Variants in KCNQ2 observed in about 807,000 individuals in gnomAD.
KCNQ2 encodes the protein potassium voltage-gated channel subfamily KQT member 2.
KCNQ2 carries 14 observed loss-of-function variants against 84.8 expected under a neutral mutation model. The ratio of observed to expected loss-of-function variants is 0.17; its 90% CI spans 0.11 to 0.26. The LOEUF is 0.26. Ranked by LOEUF, KCNQ2 falls within the 10% of genes least tolerant of loss-of-function variation. The probability of loss-of-function intolerance (pLI) is 1.00; values close to 1 mark genes in which losing one functional copy is unlikely to be tolerated. For missense variants in KCNQ2, 788 were observed against 1,254.0 expected, an observed-to-expected ratio of 0.63 and a Z score of 5.61; for synonymous variants, 599 against 554.1, an observed-to-expected ratio of 1.08 and a Z score of -1.14.
chr20:63,472,037 G>T lies in KCNQ2; in HGVS notation c.296+131C>A, dbSNP rs1054038975. ...CTCGGCCCAGCACTCCCGCCGGGGA[G>T]CGCCGGCCCCGGACCCAGACCCAGG... On this transcript the variant is annotated intron_variant, in intron 1 of 16. Coordinates refer to ENST00000359125, the MANE Select transcript of KCNQ2 (RefSeq NM_172107.4). 27 of 621,824 alleles carry T rather than the reference G, an allele frequency of 4.3e-5. No homozygotes were observed. In the African/African-American group the frequency reaches 4.3e-4, roughly 10 times the overall value. The allele number at this position is 621,824 out of a possible 1,614,324, so 38.5% of individuals were successfully genotyped here.
Position 63,406,992 on chromosome 20 carries a change from C to G in KCNQ2, c.2271G>C (p.Gly757=). 1 of 1,541,678 alleles carries G rather than the reference C, an allele frequency of 6.5e-7. No homozygotes were observed. The highest frequency in any genetic ancestry group is 8.7e-7 in the Non-Finnish European group (1 of 1,146,520). ...GGAACTCCATGCTGGCGCGGTTGCC[C>G]CCGCCGTAGGCGGACAGCGACCGCT... ...AHERSLSAYG[G]GNRASMEFLR... is the part of the protein sequence containing the mutation. The change falls in exon 17 of 17, where the codon GGG becomes GGC. Residue 757 remains glycine, a synonymous_variant. Transcript: ENST00000359125.
intron 10 of KCNQ2, chr20:63,424,416 C>T (rs1469714637): frequency 1.8e-5 from 11 of 604,128 alleles, no homozygotes; most frequent in Middle Eastern, 8.8e-4. Context: ...GAGGCAGCTC[C>T]GAGAGGGAAG....
chr20:63,458,227 CT>C (rs1286735665), intron 1 of KCNQ2, among the ~76,000 whole-genome samples: 1 of 152,178 alleles, frequency 6.6e-6, no homozygotes, highest in Non-Finnish European at 1.5e-5. Flanking sequence ...AGAAGCGCCC[CT>C]GTACCAGCCA....
chr20:63,460,597 G>A lies in KCNQ2; in HGVS notation c.296+11571C>T, dbSNP rs988161296. On this transcript the variant is annotated intron_variant, in intron 1 of 16. Coordinates refer to ENST00000359125, the MANE Select transcript of KCNQ2 (RefSeq NM_172107.4). The surrounding 1 kb of genome is among the most constrained non-coding windows in gnomAD (Gnocchi z 5.4). Reference sequence around the variant, plus strand: ...TCTCGGCCTCCACTTGCACACCTCCGGCGACGGAGGGCTCACCCCACAGAA... The same window carrying A: ...TCTCGGCCTCCACTTGCACACCTCCAGCGACGGAGGGCTCACCCCACAGAA... Among the ~76,000 whole-genome samples, 1 of 152,284 alleles carries A rather than the reference G, an allele frequency of 6.6e-6. No individual in the cohort carries two copies. Among genetic ancestry groups the A allele is most frequent in the African/African-American group, 2.4e-5 (1 of 41,554 alleles).
intron 7 of KCNQ2, among the ~76,000 whole-genome samples, chr20:63,436,453 C>T (rs2081009523): frequency 6.6e-6 from 1 of 151,940 alleles, no homozygotes. Context: ...ATGGCAGGAA[C>T]CAGGGAGGTG....
chr20:63,419,607 G>A lies in KCNQ2; in HGVS notation c.1301+12C>T, dbSNP rs761092617. ...CAGCAGCCGTCAGTCCGTGCGGCGTGTTCCGCGGTACCTAGAGCGTCCGGG... is the reference window on the plus strand; with the variant it reads ...CAGCAGCCGTCAGTCCGTGCGGCGTATTCCGCGGTACCTAGAGCGTCCGGG... On this transcript the variant is annotated intron_variant, in intron 12 of 16. Transcript: ENST00000359125. The A allele has an allele frequency of 1.2e-6, 2 of 1,607,538 alleles. No individual in the cohort carries two copies. The highest frequency in any genetic ancestry group is 1.3e-5 in the African/African-American group (1 of 75,042).
chr20:63,400,571 C>A lies in KCNQ2; in HGVS notation c.*6073G>T. 2.5e-6 allele frequency: 1 copy of A among 398,508 alleles called. No individual in the cohort carries two copies. Among genetic ancestry groups the A allele is most frequent in the South Asian group, 1.3e-4 (1 of 7,816 alleles). 24.7% of individuals were successfully genotyped at this position (398,508 alleles called of 1,614,324 possible). ...ATACAAAATGGTCAGAAGTGTACGT[C>A]GGTACTGAAGGCATTATGAAATGTT... On this transcript the variant is annotated 3_prime_UTR_variant, in exon 17 of 17. Coordinates refer to ENST00000359125, the MANE Select transcript of KCNQ2 (RefSeq NM_172107.4). The surrounding 1 kb of genome is among the most constrained non-coding windows in gnomAD (Gnocchi z 8.7).
In KCNQ2 at chr20:63,435,897, G is replaced by GAC. The variant is rs67927002; in HGVS notation, c.1024-1995_1024-1994insGT. ...CTCGCCACACTGGCTCATCTCTCGA[G>GAC]AGTCCCCCACCCTCTGGCCACAGTG... On this transcript the variant is annotated intron_variant, in intron 7 of 16. Transcript: ENST00000359125. Among the ~76,000 whole-genome samples, 498 of 122,890 alleles carry GAC rather than the reference G, an allele frequency of 4.1e-3. 1 individual carries two copies. Among genetic ancestry groups the GAC allele is most frequent in the Non-Finnish European group, 6.0e-3 (345 of 57,342 alleles). 80.6% of individuals were successfully genotyped at this position (122,890 alleles called of 152,430 possible). A position where few individuals can be genotyped will look rare whatever the true frequency, so the allele number is the denominator to read the frequency against.
chr20:63,406,346 A>C lies in KCNQ2; in HGVS notation c.*298T>G. Reference sequence around the variant, plus strand: ...CGTCATCACTCCCGCCCCTCCTCACACCGGGCTGATGTCGGCCGCGGCCCT... The same window carrying C: ...CGTCATCACTCCCGCCCCTCCTCACCCCGGGCTGATGTCGGCCGCGGCCCT... On this transcript the variant is annotated 3_prime_UTR_variant, in exon 17 of 17. Transcript: ENST00000359125. 1 of 392,222 alleles carries C rather than the reference A, an allele frequency of 2.5e-6. No individual in the cohort carries two copies. The allele number at this position is 392,222 out of a possible 1,614,324, so 24.3% of individuals were successfully genotyped here.
Position 63,446,247 on chromosome 20 carries a change from G to A in KCNQ2, c.387+500C>T. ...CAGAGGAGCAGGGCGGGCAGTAGAG[G>A]GAGGTGCATTTGGATGGGGACCAGT... On this transcript the variant is annotated intron_variant, in intron 2 of 16. Transcript: ENST00000359125. The surrounding 1 kb of genome is among the most constrained non-coding windows in gnomAD (Gnocchi z 5.5). The A allele has an allele frequency of 3.9e-6, 1 of 255,618 alleles. No individual in the cohort carries two copies. Among genetic ancestry groups the A allele is most frequent in the South Asian group, 4.4e-5 (1 of 22,604 alleles). The allele number at this position is 255,618 out of a possible 1,614,324, so 15.8% of individuals were successfully genotyped here. A position where few individuals can be genotyped will look rare whatever the true frequency, so the allele number is the denominator to read the frequency against.
chr20:63,408,587 C>A lies in KCNQ2; in HGVS notation c.1764-51G>T. 2 of 1,598,536 alleles carry A rather than the reference C, an allele frequency of 1.3e-6. No homozygotes were observed. The highest frequency in any genetic ancestry group is 1.1e-5 in the South Asian group (1 of 88,866). ...ATGAGTTCGGGTGGGTGCAGCAGGGCCCCTGCCCTCTCCTCCTGGACCAGG... is the reference window on the plus strand; with the variant it reads ...ATGAGTTCGGGTGGGTGCAGCAGGGACCCTGCCCTCTCCTCCTGGACCAGG... On this transcript the variant is annotated intron_variant, in intron 15 of 16. Coordinates refer to ENST00000359125, the MANE Select transcript of KCNQ2 (RefSeq NM_172107.4). This position sits in a 1 kb window ranked among gnomAD's most constrained non-coding sequence, Gnocchi z 5.0.
At chr20:63,420,843 C>T (rs1025588174) in intron 11 of KCNQ2, among the ~76,000 whole-genome samples, 8 of 152,134 alleles carry the variant, frequency 5.3e-5, no homozygotes, top group African/African-American at 9.7e-5. Context: ...TCCCCAGGCA[C>T]GAAGGGATGT....
At chr20:63,448,728 C>T (rs1230855261) in intron 1 of KCNQ2, among the ~76,000 whole-genome samples, 1 of 152,220 alleles carries the variant, frequency 6.6e-6, no homozygotes, top group Non-Finnish European at 1.5e-5. Flanking sequence ...ACCTGCAGGG[C>T]CGAGACTGGG....
intron 7 of KCNQ2, among the ~76,000 whole-genome samples, chr20:63,437,886 T>C (rs577238184): frequency 3.7e-4 from 57 of 152,306 alleles, no homozygotes; most frequent in African/African-American, 1.3e-3. Flanking sequence ...CTCGGCTCAC[T>C]GCAACCTCCG....
chr20:63,443,117 CT>C (rs1568936341), intron 4 of KCNQ2, among the ~76,000 whole-genome samples: 2 of 68,184 alleles, frequency 2.9e-5, no homozygotes, highest in Admixed American at 1.3e-4. Context: ...ACCACCACCA[CT>C]ATCACCACCA....
chr20:63,451,703 GC>G lies in KCNQ2; in HGVS notation c.297-4867del, dbSNP rs1023863255. On this transcript the variant is annotated intron_variant, in intron 1 of 16. Transcript: ENST00000359125. The stretch of plus-strand genomic sequence containing the variant: ...ACGGACACCCCCACGGCTTCCCTCT[GC>G]CCGGACCCAGTCATCTCCCCACTGA... Among the ~76,000 whole-genome samples the G allele has an allele frequency of 2.0e-5, 3 of 151,946 alleles. No individual in the cohort carries two copies. In the East Asian group the frequency reaches 5.8e-4, roughly 30 times the overall value.
chr20:63,472,263 G>A lies in KCNQ2; in HGVS notation c.201C>T (p.Pro67=). The A allele has an allele frequency of 6.5e-7, 1 of 1,538,402 alleles. No individual in the cohort carries two copies. Among genetic ancestry groups the A allele is most frequent in the Non-Finnish European group, 8.8e-7 (1 of 1,142,500 alleles). The change falls in exon 1 of 17, where the codon CCC becomes CCT. Residue 67 remains proline, a synonymous_variant. Transcript: ENST00000359125. ...PRAGGAGAGK[P]PKRNAFYRKL... ...TGCGGTAGAAGGCGTTGCGCTTGGG[G>A]GGCTTCCCGGCGCCCGCGCCGCCCG...
intron 9 of KCNQ2, among the ~76,000 whole-genome samples, chr20:63,430,448 G>A (rs2080758323): frequency 6.6e-6 from 1 of 152,200 alleles, no homozygotes. Context: ...TTCCCAGGAA[G>A]GGCAGCCAGG....
intron 8 of KCNQ2, among the ~76,000 whole-genome samples, chr20:63,431,998 T>TCAGGGAAGGCCCCACCCA (rs2080809950): frequency 1.6e-5 from 1 of 62,544 alleles, no homozygotes; most frequent in African/African-American, 6.2e-5. Context: ...GGCCCCACCC[T>TCAGGGAAGGCCCCACCCA]CAGGGAAGGC....
Sources: allele counts gnomAD v4.1 joint callset (sites outside exome capture counted in the v4.1 genomes callset), GRCh38; gene constraint gnomAD v4.1.1; non-coding constraint Gnocchi (gnomAD v3.1); transcripts MANE v1.5; gene names NCBI Gene and HGNC (gene_info 2026-07-23, HGNC 2026-07-21).